Variants in STAU2 observed in about 807,000 individuals in gnomAD.
STAU2 encodes staufen double-stranded RNA binding protein 2.
STAU2 carries 20 observed loss-of-function variants against 65.9 expected under a neutral mutation model. That is an observed-to-expected ratio of 0.30 (90% CI 0.21 to 0.44). The LOEUF (loss-of-function observed/expected upper bound fraction) is 0.44. Among genes scored for constraint, STAU2 ranks in the 20% least tolerant of loss-of-function variants. The pLI is 1.00. For missense variants in STAU2, 558 were observed against 683.9 expected (o/e 0.82, Z 2.05); for synonymous variants, 232 against 233.9 (o/e 0.99, Z 0.07).
At chr8:73,651,821 T>A (rs1012787807) in intron 6 of STAU2, among the ~76,000 whole-genome samples, 7 of 152,350 alleles carry the variant, frequency 4.6e-5, no homozygotes, top group African/African-American at 1.7e-4. Context: ...AGGCCTCCCA[T>A]ACAGGTCTGT....
At chr8:73,482,593 A>G (rs1820691529) in intron 13 of STAU2, among the ~76,000 whole-genome samples, 1 of 152,150 alleles carries the variant, frequency 6.6e-6, no homozygotes. Flanking sequence ...CATTTAACAT[A>G]GACCACTTAT....
intron 12 of STAU2, among the ~76,000 whole-genome samples, chr8:73,569,039 C>T (rs182156568): frequency 1.9e-4 from 29 of 152,148 alleles, no homozygotes; most frequent in Non-Finnish European, 3.5e-4. Flanking sequence ...CGCAAGGGGT[C>T]GGGGAATTCC....
chr8:73,445,060 T>G (rs1818394465), intron 13 of STAU2, among the ~76,000 whole-genome samples: 1 of 152,182 alleles, frequency 6.6e-6, no homozygotes, highest in Admixed American at 6.5e-5. Flanking sequence ...AAACCCAACC[T>G]CATGAATAAA....
intron 6 of STAU2, among the ~76,000 whole-genome samples, chr8:73,645,989 G>A (rs1247627967): frequency 6.6e-6 from 1 of 152,160 alleles, no homozygotes; most frequent in African/African-American, 2.4e-5. Context: ...TATGAGATTT[G>A]TGTGGGGACA....
rs1253850918 is a variant in STAU2, at chr8:73,701,744, G to T, written c.114+7288C>A. Among the ~76,000 whole-genome samples, 5 of 150,322 alleles carry T rather than the reference G, an allele frequency of 3.3e-5. No homozygotes were observed. In the East Asian group the frequency reaches 1.0e-3, roughly 30 times the overall value. On this transcript the variant is annotated intron_variant, in intron 4 of 14. Coordinates refer to ENST00000524300, the MANE Select transcript of STAU2 (RefSeq NM_001164380.2). ...CCCGCTGCTGGGTATATTCCCAAAA[G>T]AAAAGAAATCAGTATGTTGAAAAGA... is the stretch of plus-strand genomic sequence containing the variant.
chr8:73,737,690 C>G (rs1254790378), intron 3 of STAU2, among the ~76,000 whole-genome samples: 4 of 151,464 alleles, frequency 2.6e-5, no homozygotes, highest in African/African-American at 9.7e-5. Flanking sequence ...GTTTGAGCCA[C>G]CCAGCCTGGC....
intron 13 of STAU2, among the ~76,000 whole-genome samples, chr8:73,473,717 C>T (rs1457492262): frequency 6.6e-6 from 1 of 152,168 alleles, no homozygotes; most frequent in East Asian, 1.9e-4. Flanking sequence ...AGTCTAACAC[C>T]TCCTAATACA....
At chr8:73,710,109 T>C (rs192902613) in intron 3 of STAU2, among the ~76,000 whole-genome samples, 1 of 152,240 alleles carries the variant, frequency 6.6e-6, no homozygotes, top group Admixed American at 6.5e-5. Flanking sequence ...AAAATGACTG[T>C]ACCAAATTAC....
At chr8:73,635,882 G>C (rs1168667316) in intron 6 of STAU2, among the ~76,000 whole-genome samples, 1 of 148,202 alleles carries the variant, frequency 6.7e-6, no homozygotes, top group Non-Finnish European at 1.5e-5. Context: ...GTATAAAACT[G>C]TTCGAATCTC....
chr8:73,575,797 A>G (rs1166796423), intron 12 of STAU2, among the ~76,000 whole-genome samples: 2 of 117,656 alleles, frequency 1.7e-5, no homozygotes, highest in African/African-American at 3.4e-5. Context: ...AATCATATAT[A>G]TAAATTCTGG....
chr8:73,550,853 GT>G (rs1347020557), intron 13 of STAU2: 14 of 985,952 alleles, frequency 1.4e-5, no homozygotes, highest in East Asian at 1.1e-4. Flanking sequence ...GTTCGGTGAA[GT>G]GAAAAAAAAA....
At chr8:73,584,988 C>T (rs1222152567) in intron 11 of STAU2, among the ~76,000 whole-genome samples, 107 of 152,326 alleles carry the variant, frequency 7.0e-4, no homozygotes, top group Non-Finnish European at 1.5e-5. Flanking sequence ...AAAACATAGC[C>T]TGTACTTATC....
intron 12 of STAU2, among the ~76,000 whole-genome samples, chr8:73,574,236 A>C (rs897810834): frequency 7.9e-5 from 12 of 152,242 alleles, no homozygotes; most frequent in African/African-American, 1.2e-4. Flanking sequence ...GAATGGCGAT[A>C]ATTAAAAAGT....
chr8:73,612,441 A>C (rs1812544090), intron 9 of STAU2, among the ~76,000 whole-genome samples: 1 of 152,192 alleles, frequency 6.6e-6, no homozygotes. Flanking sequence ...TCATTCTCTT[A>C]ATAGCTATAT....
chr8:73,486,655 ATATT>A (rs1160578639), intron 13 of STAU2, among the ~76,000 whole-genome samples: 1 of 78,228 alleles, frequency 1.3e-5, no homozygotes, highest in African/African-American at 7.1e-5. Context: ...ATATATATAT[ATATT>A]TTTTTTTTTT....
chr8:73,745,027 A>C (rs2130801033), intron 1 of STAU2, among the ~76,000 whole-genome samples: 1 of 152,352 alleles, frequency 6.6e-6, no homozygotes, highest in Admixed American at 6.5e-5. Context: ...AAATGCAGTA[A>C]TTTGTGAGCA....
chr8:73,606,984 T>C (rs768202196), intron 9 of STAU2, among the ~76,000 whole-genome samples: 4 of 152,060 alleles, frequency 2.6e-5, no homozygotes, highest in Admixed American at 2.0e-4. Flanking sequence ...AAAAGAGTGG[T>C]TTCTCGGCAA....
chr8:73,424,157 T>C (rs1368923871), intron 13 of STAU2, among the ~76,000 whole-genome samples: 15 of 150,394 alleles, frequency 1.0e-4, no homozygotes, highest in South Asian at 2.1e-4. Flanking sequence ...CCTTTTCAGA[T>C]TGGCTTTTTC....
At chr8:73,663,257 GAATTTC>G (rs2130340144) in intron 6 of STAU2, among the ~76,000 whole-genome samples, 1 of 152,266 alleles carries the variant, frequency 6.6e-6, no homozygotes, top group African/African-American at 2.4e-5. Flanking sequence ...ACACACACTA[GAATTTC>G]AATTTCATCT....
Sources: allele counts gnomAD v4.1 joint callset (sites outside exome capture counted in the v4.1 genomes callset), GRCh38; gene constraint gnomAD v4.1.1; transcripts MANE v1.5; gene names NCBI Gene and HGNC (gene_info 2026-07-23, HGNC 2026-07-21).